The following SNX29 variants were observed in gnomAD, a reference collection of about 807,000 sequenced individuals.
The protein encoded by SNX29 is sorting nexin 29, also known as sorting nexin-29.
A neutral mutation model predicts 102.1 loss-of-function variants in SNX29; 78 were observed. The ratio of observed to expected loss-of-function variants is 0.76; its 90% CI spans 0.64 to 0.92. The LOEUF (loss-of-function observed/expected upper bound fraction) is 0.92. Ranked by LOEUF, SNX29 falls within the 40% of genes least tolerant of loss-of-function variation. The probability of loss-of-function intolerance (pLI) is 0.00; values close to 1 mark genes in which losing one functional copy is unlikely to be tolerated. For synonymous variants in SNX29, 580 were observed against 414.5 expected (o/e 1.40, Z -4.85); for missense variants, 1,280 against 1,061.7 (o/e 1.21, Z -2.86).
intron 20 of SNX29, chr16:12,560,998 T>C: frequency 4.6e-6 from 1 of 216,410 alleles, no homozygotes; most frequent in East Asian, 6.7e-5. Context: ...CAGAGCCATT[T>C]CTGGATCAGT....
At chr16:12,273,128 CT>C (rs1401536097) in intron 14 of SNX29, among the ~76,000 whole-genome samples, 1 of 152,116 alleles carries the variant, frequency 6.6e-6, no homozygotes, top group African/African-American at 2.4e-5. Flanking sequence ...GTTAATCCCC[CT>C]GGTGCCTTCA....
chr16:12,152,694 C>T (rs1200606787), intron 13 of SNX29, among the ~76,000 whole-genome samples: 1 of 152,198 alleles, frequency 6.6e-6, no homozygotes. Flanking sequence ...GAGATGAACG[C>T]AGTACATACA....
At chr16:12,064,727 G>T (rs1046757646) in intron 9 of SNX29, among the ~76,000 whole-genome samples, 2 of 152,222 alleles carry the variant, frequency 1.3e-5, no homozygotes, top group Non-Finnish European at 2.9e-5. Context: ...CATTTCCATG[G>T]GAGGTGTGGG....
At chr16:12,559,753 G>C (rs7200321) in intron 20 of SNX29, among the ~76,000 whole-genome samples, 31,647 of 152,036 alleles carry the variant, frequency 0.21, 3,444 homozygotes, top group East Asian at 0.43. Flanking sequence ...TGCCCAGCCT[G>C]ACAGCAGTCA....
chr16:12,467,832 G>A (rs545094038), intron 18 of SNX29, among the ~76,000 whole-genome samples: 4 of 152,286 alleles, frequency 2.6e-5, no homozygotes, highest in Non-Finnish European at 4.4e-5. Context: ...CATGCCAGAT[G>A]GTGGTCGTGC....
chr16:12,341,993 C>A (rs1236424233), intron 15 of SNX29, among the ~76,000 whole-genome samples: 1 of 152,166 alleles, frequency 6.6e-6, no homozygotes, highest in South Asian at 2.1e-4. Context: ...GCTTGAGACC[C>A]CAGCTTCATA....
At chr16:12,522,116 G>A (rs2090123432) in intron 19 of SNX29, among the ~76,000 whole-genome samples, 1 of 152,252 alleles carries the variant, frequency 6.6e-6, no homozygotes, top group African/African-American at 2.4e-5. Context: ...GTGCTTGCAA[G>A]AGGCTTGCTA....
intron 10 of SNX29, among the ~76,000 whole-genome samples, chr16:12,076,167 C>T (rs946079186): frequency 1.3e-5 from 2 of 152,210 alleles, no homozygotes; most frequent in Non-Finnish European, 2.9e-5. Context: ...TGGTGCGCTG[C>T]ACCCACTGTC....
intron 9 of SNX29, among the ~76,000 whole-genome samples, chr16:12,063,636 C>T (rs369919094): frequency 2.0e-5 from 3 of 152,020 alleles, no homozygotes; most frequent in East Asian, 1.9e-4. Flanking sequence ...CCTTGGCCTC[C>T]CACAGTTGCT....
intron 4 of SNX29, among the ~76,000 whole-genome samples, chr16:12,034,200 T>A (rs2057414307): frequency 6.6e-6 from 1 of 152,176 alleles, no homozygotes; most frequent in South Asian, 2.1e-4. Flanking sequence ...TGGGCAACAA[T>A]TTCATTTCTG....
At chr16:12,318,776 G>A (rs2080836817) in intron 15 of SNX29, among the ~76,000 whole-genome samples, 1 of 151,772 alleles carries the variant, frequency 6.6e-6, no homozygotes, top group Admixed American at 6.6e-5. Flanking sequence ...AAATTACAAA[G>A]TTTCCCGGAG....
In SNX29 at chr16:12,072,076, A is replaced by G. The variant is rs532181749; in HGVS notation, c.1319+2944A>G. Among the ~76,000 whole-genome samples, 120 of 152,324 alleles carry G rather than the reference A, an allele frequency of 7.9e-4. 5 individuals are homozygous for G. The South Asian group carries it at 0.019, about 24-fold the overall frequency. Reference sequence around the variant, plus strand: ...CTTAATGAGATTTTGGGCTGAGACAATGGGGTTTTCTAGATATACAGTCAC... The same window carrying G: ...CTTAATGAGATTTTGGGCTGAGACAGTGGGGTTTTCTAGATATACAGTCAC... On this transcript the variant is annotated intron_variant, in intron 10 of 20. Coordinates refer to ENST00000566228, the MANE Select transcript of SNX29 (RefSeq NM_032167.5).
chr16:12,331,839 A>G (rs2081300124), intron 15 of SNX29, among the ~76,000 whole-genome samples: 1 of 152,208 alleles, frequency 6.6e-6, no homozygotes, highest in African/African-American at 2.4e-5. Context: ...AGTGTGAGCC[A>G]CCATGCCTGG....
chr16:12,419,771 A>G (rs1023224975), intron 18 of SNX29, among the ~76,000 whole-genome samples: 3 of 152,216 alleles, frequency 2.0e-5, no homozygotes, highest in African/African-American at 7.2e-5. Flanking sequence ...GGTCTAGGCC[A>G]TACCACGTGT....
In SNX29 at chr16:12,568,761, CAGTT is replaced by C. The variant is rs1290382749; in HGVS notation, c.*134_*137del. ...GATCCTGAGAGCACACGATTCCCAA[CAGTT>C]ACACAACACCCCGATTAAACTAATC... On this transcript the variant is annotated 3_prime_UTR_variant, in exon 21 of 21. Coordinates refer to ENST00000566228, the MANE Select transcript of SNX29 (RefSeq NM_032167.5). 16 of 1,341,302 alleles carry C rather than the reference CAGTT, an allele frequency of 1.2e-5. No homozygotes were observed. In the African/African-American group the frequency reaches 2.2e-4, roughly 18 times the overall value. The allele number at this position is 1,341,302 out of a possible 1,614,324, so 83.1% of individuals were successfully genotyped here.
intron 14 of SNX29, among the ~76,000 whole-genome samples, chr16:12,223,021 G>T (rs928084759): frequency 3.9e-5 from 6 of 152,188 alleles, no homozygotes; most frequent in Non-Finnish European, 5.9e-5. Context: ...TAGGTCTTTG[G>T]ATTCTAAATT....
chr16:12,193,012 T>C (rs1051198029), intron 13 of SNX29, among the ~76,000 whole-genome samples: 4 of 151,976 alleles, frequency 2.6e-5, no homozygotes, highest in African/African-American at 7.2e-5. Flanking sequence ...TAAAAAATTT[T>C]TTTGTAGAGA....
At chr16:12,514,870 A>C (rs1286963071) in intron 19 of SNX29, among the ~76,000 whole-genome samples, 2 of 151,684 alleles carry the variant, frequency 1.3e-5, no homozygotes, top group Admixed American at 1.3e-4. Flanking sequence ...GTCTCTAAAA[A>C]ACAAAGAAAG....
At chr16:12,450,342 G>A (rs1254067918) in intron 18 of SNX29, among the ~76,000 whole-genome samples, 7 of 152,192 alleles carry the variant, frequency 4.6e-5, no homozygotes, top group African/African-American at 1.4e-4. Flanking sequence ...TCTAGCTTTT[G>A]TTTGGGCACA....
Sources: gnomAD v4.1 joint callset for allele counts (sites outside exome capture counted in the v4.1 genomes callset) on GRCh38, gnomAD v4.1.1 for gene constraint, MANE v1.5 for transcripts, NCBI Gene and HGNC (gene_info 2026-07-23, HGNC 2026-07-21) for gene names.